NAV3: variants seen among roughly 807,000 people sequenced by gnomAD.
The protein encoded by NAV3 is pore membrane and/or filament interacting like protein 1.
Under a neutral mutation model 244.7 loss-of-function variants are expected in NAV3, and 87 were observed. That is an observed-to-expected ratio of 0.36 (90% CI 0.30 to 0.42). NAV3 has a LOEUF of 0.42. Ranked by LOEUF, NAV3 falls within the 20% of genes least tolerant of loss-of-function variation. The pLI is 1.00. For missense variants in NAV3, 2,663 were observed against 2,893.3 expected (o/e 0.92, Z 1.83); for synonymous variants, 1,126 against 1,042.2 (o/e 1.08, Z -1.55).
chr12:77,962,412 G>A (rs1362217512), intron 3 of NAV3, among the ~76,000 whole-genome samples: 1 of 152,088 alleles, frequency 6.6e-6, no homozygotes, highest in Non-Finnish European at 1.5e-5. Context: ...TTCCATTCAT[G>A]ATCTTTTCCA....
At chr12:77,730,770 CTTTTTTT>C (rs200147386) in intron 2 of NAV3, among the ~76,000 whole-genome samples, 1 of 136,322 alleles carries the variant, frequency 7.3e-6, no homozygotes, top group Non-Finnish European at 1.6e-5. Context: ...GTGCTTTTTT[CTTTTTTT>C]TTTTTTTAAA....
At chr12:78,166,238 G>A (rs377028) in intron 23 of NAV3, among the ~76,000 whole-genome samples, 6,942 of 151,936 alleles carry the variant, frequency 0.046, 194 homozygotes, top group Non-Finnish European at 0.072. Context: ...GAGGAAGGAT[G>A]TTTAAATAAA....
upstream of NAV3, among the ~76,000 whole-genome samples, chr12:77,826,294 G>A (rs1401729322): frequency 6.6e-6 from 1 of 152,130 alleles, no homozygotes; most frequent in Non-Finnish European, 1.5e-5. Flanking sequence ...GATCACTTGA[G>A]GTCAGGAGTT....
At chr12:78,164,905 A>T (rs1279720924) in intron 23 of NAV3, among the ~76,000 whole-genome samples, 1 of 152,078 alleles carries the variant, frequency 6.6e-6, no homozygotes, top group Non-Finnish European at 1.5e-5. Context: ...GATTCTCAAC[A>T]AAGTCTTTGT....
At chr12:78,138,339 A>G (rs576585248) in intron 19 of NAV3, among the ~76,000 whole-genome samples, 1 of 152,290 alleles carries the variant, frequency 6.6e-6, no homozygotes, top group Non-Finnish European at 1.5e-5. Context: ...ATGAAATATG[A>G]GAACAAAGAA....
chr12:77,654,129 C>A (rs1369943589), intron 2 of NAV3, among the ~76,000 whole-genome samples: 2 of 152,126 alleles, frequency 1.3e-5, no homozygotes, highest in Admixed American at 6.5e-5. Flanking sequence ...ACGCACCGTG[C>A]GTGAGCCGAA....
intron 2 of NAV3, among the ~76,000 whole-genome samples, chr12:77,588,496 G>T (rs902408111): frequency 4.6e-5 from 7 of 152,192 alleles, no homozygotes; most frequent in African/African-American, 1.7e-4. Flanking sequence ...AGCTTCTTTT[G>T]CCTTCTTGGT....
At chr12:78,036,717 C>A (rs968046703) in intron 9 of NAV3, 13 of 580,782 alleles carry the variant, frequency 2.2e-5, no homozygotes, top group Non-Finnish European at 3.7e-5. Flanking sequence ...ATTATATATA[C>A]TATATCTCTA....
intron 1 of NAV3, among the ~76,000 whole-genome samples, chr12:77,881,709 G>A (rs769124985): frequency 7.2e-5 from 11 of 152,054 alleles, no homozygotes; most frequent in Non-Finnish European, 1.5e-4. Context: ...CCTAGAACTG[G>A]TAAGTGACTT....
chr12:77,677,775 A>G (rs567325045), intron 2 of NAV3, among the ~76,000 whole-genome samples: 2 of 152,222 alleles, frequency 1.3e-5, no homozygotes, highest in Non-Finnish European at 2.9e-5. Flanking sequence ...TTTGGAACCA[A>G]ACTATTTTTT....
At chr12:77,781,337 T>A (rs1870650601) in intron 2 of NAV3, among the ~76,000 whole-genome samples, 2 of 152,166 alleles carry the variant, frequency 1.3e-5, no homozygotes, top group South Asian at 4.1e-4. Context: ...TTAAGTCTGA[T>A]AAGAAACATT....
At chr12:78,176,334 A>G in intron 25 of NAV3, 105 bp from the exon 26 acceptor site, 1 of 1,104,118 alleles carries the variant, frequency 9.1e-7, no homozygotes, top group Non-Finnish European at 1.3e-6. Context: ...AATGAAAGAA[A>G]TATCTTTTTA....
In NAV3 at chr12:77,966,241, G is replaced by C. The variant is rs1892503151; in HGVS notation, c.427G>C (p.Asp143His). The C allele has an allele frequency of 6.2e-7, 1 of 1,613,430 alleles. No individual in the cohort carries two copies. The highest frequency in any genetic ancestry group is 1.1e-5 in the South Asian group (1 of 91,032). ...TTTCATGTTGCAGATTGAAAATGTTGATGTCTGCCTTAGTTTTCTAGCAGC... is the reference window on the plus strand; with the variant it reads ...TTTCATGTTGCAGATTGAAAATGTTCATGTCTGCCTTAGTTTTCTAGCAGC... ...RSQSQMIENVDVCLSFLAARG... is the reference protein window; with the variant it reads ...RSQSQMIENVHVCLSFLAARG... Residue 143 changes from aspartate to histidine, a missense_variant, in exon 4 of 40, where the codon GAT (aspartate) becomes CAT (histidine). By Grantham distance (81) the Asp-to-His change is moderately conservative. Coordinates refer to ENST00000397909, the MANE Select transcript of NAV3 (RefSeq NM_001024383.2).
intron 28 of NAV3, among the ~76,000 whole-genome samples, chr12:78,178,008 G>GT (rs3054760): frequency 0.14 from 21,016 of 149,514 alleles, 1,505 homozygotes; most frequent in Middle Eastern, 0.19. Context: ...TGTATATTAT[G>GT]TTTTTTTTTT....
intron 20 of NAV3, among the ~76,000 whole-genome samples, chr12:78,142,528 A>G (rs186578119): frequency 1.1e-3 from 163 of 152,000 alleles, no homozygotes; most frequent in Non-Finnish European, 2.1e-3. Context: ...GTGCAAGTTT[A>G]TAGAGAACAC....
chr12:77,783,770 T>C (rs1414490425), intron 2 of NAV3, among the ~76,000 whole-genome samples: 1 of 152,172 alleles, frequency 6.6e-6, no homozygotes, highest in South Asian at 2.1e-4. Context: ...TGCAGATACA[T>C]ACAATTTAAT....
chr12:77,775,080 T>C (rs185961427), intron 2 of NAV3, among the ~76,000 whole-genome samples: 55 of 152,232 alleles, frequency 3.6e-4, no homozygotes, highest in African/African-American at 1.3e-3. Flanking sequence ...GCTTTAGACA[T>C]GGATATTCCA....
intron 17 of NAV3, 124 bp downstream of exon 17, chr12:78,127,332 A>G: frequency 1.1e-6 from 1 of 944,844 alleles, no homozygotes; most frequent in Non-Finnish European, 1.6e-6. Context: ...ATCACTTTTA[A>G]TTTTGATGGT....
rs535259507 is a variant in NAV3, at chr12:77,903,105, G to A, written c.244-37214G>A. ...ATAGATTCAATGCCATCCCCATCAA[G>A]CTACCAATGACTTTCTTCACAGAAT... On this transcript the variant is annotated intron_variant, in intron 1 of 39. Coordinates refer to ENST00000397909, the MANE Select transcript of NAV3 (RefSeq NM_001024383.2). Among the ~76,000 whole-genome samples the A allele has an allele frequency of 2.6e-3, 398 of 152,198 alleles. 3 individuals carry two copies. Among genetic ancestry groups the A allele is most frequent in the Middle Eastern group, 0.01 (3 of 294 alleles).
Sources: allele counts gnomAD v4.1 joint callset (sites outside exome capture counted in the v4.1 genomes callset), GRCh38; gene constraint gnomAD v4.1.1; transcripts MANE v1.5; gene names NCBI Gene and HGNC (gene_info 2026-07-23, HGNC 2026-07-21).